DTD1: variants seen among roughly 807,000 people sequenced by gnomAD.
DTD1 encodes D-tyrosyl-tRNA deacylase 1 homolog.
Under a neutral mutation model 25.6 loss-of-function variants are expected in DTD1, and 13 were observed. That is an observed-to-expected ratio of 0.51 (90% CI 0.33 to 0.81). The LOEUF (loss-of-function observed/expected upper bound fraction) is 0.81. Ranked by LOEUF, DTD1 falls within the 30% of genes least tolerant of loss-of-function variation. DTD1 has a pLI of 0.02. For synonymous variants in DTD1, 110 were observed against 103.6 expected (o/e 1.06, Z -0.37); for missense variants, 193 against 266.4 (o/e 0.72, Z 1.92).
At chr20:18,615,879 G>T (rs780536272) in intron 3 of DTD1, among the ~76,000 whole-genome samples, 18 of 152,212 alleles carry the variant, frequency 1.2e-4, no homozygotes, top group Non-Finnish European at 2.6e-4. Flanking sequence ...GCTTCATAAT[G>T]CAAAGAGAAA....
In DTD1 at chr20:18,712,382, G is replaced by A. The variant is rs1047097161; in HGVS notation, c.478-31718G>A. 2.8e-5 allele frequency among the ~76,000 whole-genome samples: 4 copies of A among 143,232 alleles called. No individual in the cohort carries two copies. In the South Asian group the frequency reaches 6.9e-4, roughly 25 times the overall value. 94.0% of individuals were successfully genotyped at this position (143,232 alleles called of 152,430 possible). A position where few individuals can be genotyped will look rare whatever the true frequency, so the allele number is the denominator to read the frequency against. On this transcript the variant is annotated intron_variant, in intron 4 of 5. Coordinates refer to ENST00000377452, the MANE Select transcript of DTD1 (RefSeq NM_080820.6). Reference sequence around the variant, plus strand: ...ATGATATCATTTTCATAAGTACTGTGTGTGTGTTGTGGGGGTGGGGGTGGG... The same window carrying A: ...ATGATATCATTTTCATAAGTACTGTATGTGTGTTGTGGGGGTGGGGGTGGG...
At chr20:18,690,090 C>G (rs372703456) in intron 4 of DTD1, among the ~76,000 whole-genome samples, 1 of 146,170 alleles carries the variant, frequency 6.8e-6, no homozygotes, top group African/African-American at 2.5e-5. Flanking sequence ...GAGCTGTGAT[C>G]ACACCACTGC....
intron 4 of DTD1, among the ~76,000 whole-genome samples, chr20:18,634,695 G>A (rs1271275958): frequency 6.6e-6 from 1 of 152,178 alleles, no homozygotes; most frequent in Non-Finnish European, 1.5e-5. Context: ...CATGGCTTTT[G>A]TAGGATCTGA....
chr20:18,693,772 T>A (rs2061058967), intron 4 of DTD1, among the ~76,000 whole-genome samples: 1 of 152,100 alleles, frequency 6.6e-6, no homozygotes, highest in Non-Finnish European at 1.5e-5. Context: ...CTTATCCCCA[T>A]TGTGTATCCA....
intron 4 of DTD1, among the ~76,000 whole-genome samples, chr20:18,743,284 A>G (rs2061285528): frequency 6.6e-6 from 1 of 152,264 alleles, no homozygotes; most frequent in South Asian, 2.1e-4. Flanking sequence ...CAAGCAAGTC[A>G]GCCTTCAGTC....
chr20:18,760,439 G>A (rs991166885), intron 5 of DTD1, among the ~76,000 whole-genome samples: 9 of 152,154 alleles, frequency 5.9e-5, no homozygotes, highest in African/African-American at 9.7e-5. Flanking sequence ...CTGTTTGTTT[G>A]TTTTCCTTCT....
At chr20:18,704,676 A>G (rs1180041686) in intron 4 of DTD1, among the ~76,000 whole-genome samples, 1 of 152,186 alleles carries the variant, frequency 6.6e-6, no homozygotes, top group East Asian at 1.9e-4. Flanking sequence ...GGAGGAGGAC[A>G]TGCTACCTAC....
At chr20:18,739,378 G>C (rs1010848389) in intron 4 of DTD1, among the ~76,000 whole-genome samples, 1 of 152,220 alleles carries the variant, frequency 6.6e-6, no homozygotes, top group South Asian at 2.1e-4. Flanking sequence ...TGGCACACGT[G>C]TTCCCAAGCT....
intron 5 of DTD1, among the ~76,000 whole-genome samples, chr20:18,760,679 G>T (rs949816383): frequency 2.0e-5 from 3 of 152,222 alleles, no homozygotes; most frequent in Non-Finnish European, 1.5e-5. Flanking sequence ...CTACTCAGGG[G>T]TCAGGGACCC....
chr20:18,763,749 C>T lies in DTD1; in HGVS notation c.*409C>T, dbSNP rs896256889. 6.6e-6 allele frequency: 1 copy of T among 152,370 alleles called. No homozygotes were observed. Among genetic ancestry groups the T allele is most frequent in the African/African-American group, 2.4e-5 (1 of 41,454 alleles). The allele number at this position is 152,370 out of a possible 1,614,324, so 9.4% of individuals were successfully genotyped here. ...GCGGGGGTTCTCCAATACACTCACA[C>T]TGTCCATGTTCTTTTTATTGCCAGG... On this transcript the variant is annotated 3_prime_UTR_variant, in exon 6 of 6. Coordinates refer to ENST00000377452, the MANE Select transcript of DTD1 (RefSeq NM_080820.6).
At chr20:18,598,479 T>G (rs1225547253) in intron 3 of DTD1, among the ~76,000 whole-genome samples, 1 of 152,072 alleles carries the variant, frequency 6.6e-6, no homozygotes, top group South Asian at 2.1e-4. Context: ...TTATAGTCCT[T>G]TGGGTGTATA....
At chr20:18,613,573 G>A (rs1346824243) in intron 3 of DTD1, among the ~76,000 whole-genome samples, 1 of 152,164 alleles carries the variant, frequency 6.6e-6, no homozygotes, top group African/African-American at 2.4e-5. Context: ...GGCTCTCCTT[G>A]TCTGAGAAAA....
intron 5 of DTD1, among the ~76,000 whole-genome samples, chr20:18,759,118 G>T (rs2061350887): frequency 6.6e-6 from 1 of 152,002 alleles, no homozygotes; most frequent in African/African-American, 2.4e-5. Context: ...TTTATTTTGA[G>T]CATATGTGTG....
At chr20:18,740,178 A>G (rs2061271499) in intron 4 of DTD1, among the ~76,000 whole-genome samples, 2 of 152,024 alleles carry the variant, frequency 1.3e-5, no homozygotes, top group African/African-American at 2.4e-5. Flanking sequence ...TCCTCTCTGG[A>G]TCTGGTTCTC....
intron 4 of DTD1, among the ~76,000 whole-genome samples, chr20:18,697,715 C>T (rs548623352): frequency 1.1e-3 from 167 of 152,302 alleles, no homozygotes; most frequent in African/African-American, 3.7e-3. Context: ...GACAGAGTCT[C>T]GCTCTTTCGC....
chr20:18,670,889 G>T (rs1426143776), intron 4 of DTD1, among the ~76,000 whole-genome samples: 2 of 152,202 alleles, frequency 1.3e-5, no homozygotes, highest in Non-Finnish European at 2.9e-5. Context: ...AGTGCTAGTG[G>T]CATTCATAGT....
At chr20:18,598,658 C>T (rs577115812) in intron 3 of DTD1, among the ~76,000 whole-genome samples, 64 of 145,260 alleles carry the variant, frequency 4.4e-4, no homozygotes, top group South Asian at 2.2e-4. Flanking sequence ...CCACCACACC[C>T]GGCTAATTTT....
At chr20:18,707,193 G>A (rs2061130051) in intron 4 of DTD1, among the ~76,000 whole-genome samples, 1 of 152,214 alleles carries the variant, frequency 6.6e-6, no homozygotes, top group Non-Finnish European at 1.5e-5. Context: ...GACATGGTCA[G>A]GATTCCAGTT....
chr20:18,680,629 G>A (rs1330813004), intron 4 of DTD1, among the ~76,000 whole-genome samples: 1 of 152,056 alleles, frequency 6.6e-6, no homozygotes, highest in African/African-American at 2.4e-5. Flanking sequence ...GCTGCCTCTG[G>A]AGTGTGGCTC....
Sources: gnomAD v4.1 joint callset for allele counts (sites outside exome capture counted in the v4.1 genomes callset) on GRCh38, gnomAD v4.1.1 for gene constraint, MANE v1.5 for transcripts, NCBI Gene and HGNC (gene_info 2026-07-23, HGNC 2026-07-21) for gene names.